The following FAM135B variants were observed in gnomAD, a reference collection of about 807,000 sequenced individuals.
FAM135B encodes the protein protein FAM135B.
In FAM135B, 43 loss-of-function variants were observed where a neutral mutation model predicts 127.7. The observed-to-expected ratio is 0.34, with a 90% CI of 0.26 to 0.43. FAM135B has a LOEUF of 0.43. Ranked by LOEUF, FAM135B falls within the 20% of genes least tolerant of loss-of-function variation. The probability of loss-of-function intolerance (pLI) is 1.00; values close to 1 mark genes in which losing one functional copy is unlikely to be tolerated. For synonymous variants in FAM135B, 670 were observed against 665.1 expected (o/e 1.01, Z -0.11); for missense variants, 1,558 against 1,725.6 (o/e 0.90, Z 1.72).
chr8:138,283,647 C>T (rs977847643), intron 3 of FAM135B, among the ~76,000 whole-genome samples: 10 of 151,912 alleles, frequency 6.6e-5, no homozygotes, highest in South Asian at 2.1e-4. Context: ...ACAAATGTTC[C>T]GCTCTAATGG....
intron 6 of FAM135B, among the ~76,000 whole-genome samples, chr8:138,249,134 C>T (rs1821517095): frequency 6.6e-6 from 1 of 152,168 alleles, no homozygotes; most frequent in Non-Finnish European, 1.5e-5. Context: ...ACTAGCCTCA[C>T]CTCGCAGAGG....
intron 2 of FAM135B, among the ~76,000 whole-genome samples, chr8:138,321,919 C>T (rs1487774918): frequency 1.3e-5 from 2 of 152,106 alleles, no homozygotes; most frequent in Non-Finnish European, 2.9e-5. Flanking sequence ...TCAGGAATTA[C>T]AAGAGAGCTG....
chr8:138,417,761 C>A (rs1381524788), intron 1 of FAM135B, among the ~76,000 whole-genome samples: 1 of 152,088 alleles, frequency 6.6e-6, no homozygotes, highest in East Asian at 1.9e-4. Context: ...TTAACTAAGC[C>A]CAAACTATAC....
chr8:138,307,019 C>T (rs1826313507), intron 3 of FAM135B, among the ~76,000 whole-genome samples: 1 of 152,300 alleles, frequency 6.6e-6, no homozygotes, highest in East Asian at 1.9e-4. Flanking sequence ...TGTCCATCTT[C>T]CCATCTTACC....
At chr8:138,325,232 A>C (rs916661583) in intron 2 of FAM135B, among the ~76,000 whole-genome samples, 1 of 152,212 alleles carries the variant, frequency 6.6e-6, no homozygotes, top group African/African-American at 2.4e-5. Flanking sequence ...AATTGTGTTT[A>C]AATGGAGCCT....
intron 1 of FAM135B, among the ~76,000 whole-genome samples, chr8:138,387,230 G>A (rs1247272063): frequency 1.3e-5 from 2 of 152,136 alleles, no homozygotes; most frequent in Non-Finnish European, 2.9e-5. Context: ...GAGGGAAGAG[G>A]TGAGAGCAGG....
chr8:138,337,564 T>C (rs146326640), intron 2 of FAM135B, among the ~76,000 whole-genome samples: 151,265 of 152,084 alleles, frequency 0.99, 75,231 homozygotes, highest in East Asian at 1. Context: ...ATGTGAAGGA[T>C]CTCTTCAAGA....
intron 7 of FAM135B, among the ~76,000 whole-genome samples, chr8:138,233,208 T>G (rs779671068): frequency 6.6e-6 from 1 of 152,292 alleles, no homozygotes; most frequent in Middle Eastern, 3.4e-3. Context: ...TAAAACAGTA[T>G]GGTAACAGCA....
At chr8:138,341,206 A>T (rs1220612618) in intron 2 of FAM135B, among the ~76,000 whole-genome samples, 2 of 152,244 alleles carry the variant, frequency 1.3e-5, no homozygotes, top group African/African-American at 4.8e-5. Context: ...GCATGCCCAT[A>T]CAATGGAACA....
chr8:138,223,351 A>C (rs924849112), intron 7 of FAM135B, among the ~76,000 whole-genome samples: 3 of 152,242 alleles, frequency 2.0e-5, no homozygotes, highest in Non-Finnish European at 4.4e-5. Flanking sequence ...GAAAATAAGC[A>C]GTGACAATGA....
At chr8:138,282,126 C>G (rs2130746871) in intron 3 of FAM135B, among the ~76,000 whole-genome samples, 1 of 152,290 alleles carries the variant, frequency 6.6e-6, no homozygotes, top group Non-Finnish European at 1.5e-5. Flanking sequence ...TTCCTCTAAG[C>G]TCAAGATCTA....
chr8:138,254,574 T>C (rs908418064), intron 5 of FAM135B, among the ~76,000 whole-genome samples: 4 of 152,218 alleles, frequency 2.6e-5, no homozygotes, highest in African/African-American at 9.7e-5. Flanking sequence ...TCTGAGTTTA[T>C]AGCTTGGGAA....
rs144346094 is a variant in FAM135B at position 138,259,513 on chromosome 8, T to A, written c.298-2754A>T. Reference sequence around the variant, plus strand: ...CAAAGGGCTTTGTTCACAACTGAACTGACAATTCTCAACAAAGGTTAGCTA... The same window carrying A: ...CAAAGGGCTTTGTTCACAACTGAACAGACAATTCTCAACAAAGGTTAGCTA... On this transcript the variant is annotated intron_variant, in intron 4 of 19. Transcript: ENST00000395297. Among the ~76,000 whole-genome samples, 67 of 152,304 alleles carry A rather than the reference T, an allele frequency of 4.4e-4. 2 individuals carry two copies. The East Asian group carries it at 0.012, about 26-fold the overall frequency.
At chr8:138,317,842 T>G (rs1827201298) in intron 2 of FAM135B, among the ~76,000 whole-genome samples, 1 of 152,214 alleles carries the variant, frequency 6.6e-6, no homozygotes, top group South Asian at 2.1e-4. Context: ...TGGAAGCACA[T>G]TTACAAATGA....
intron 9 of FAM135B, among the ~76,000 whole-genome samples, chr8:138,191,735 G>A (rs114528921): frequency 3.9e-5 from 6 of 152,152 alleles, no homozygotes; most frequent in African/African-American, 9.7e-5. Context: ...TTTTTGCCAC[G>A]AAGACAAAAG....
chr8:138,247,976 G>T lies in FAM135B; in HGVS notation c.542+2865C>A, dbSNP rs373483482. 3.9e-5 allele frequency among the ~76,000 whole-genome samples: 6 copies of T among 152,280 alleles called. No individual in the cohort carries two copies. The East Asian group carries it at 7.7e-4, about 20-fold the overall frequency. ...TCTCTCATGTCCCTGAAGTAGAATT[G>T]CTTCTTTCCCATGCTAACAATTACA... On this transcript the variant is annotated intron_variant, in intron 6 of 19. Transcript: ENST00000395297.
chr8:138,326,252 C>G (rs1350551519), intron 2 of FAM135B, among the ~76,000 whole-genome samples: 1 of 152,136 alleles, frequency 6.6e-6, no homozygotes, highest in Non-Finnish European at 1.5e-5. Flanking sequence ...GTTGCTGCTG[C>G]TGGTCTGTCA....
intron 1 of FAM135B, among the ~76,000 whole-genome samples, chr8:138,453,710 A>T (rs1342659168): frequency 1.3e-5 from 2 of 152,154 alleles, no homozygotes; most frequent in African/African-American, 4.8e-5. Context: ...AAATGGTAGA[A>T]GATGATTTTT....
intron 9 of FAM135B, among the ~76,000 whole-genome samples, chr8:138,190,009 T>C (rs896347439): frequency 3.3e-5 from 5 of 152,180 alleles, no homozygotes; most frequent in African/African-American, 1.2e-4. Context: ...CCTTCCAGCA[T>C]GGCCCTTTTA....
Sources: gnomAD v4.1 joint callset for allele counts (sites outside exome capture counted in the v4.1 genomes callset) on GRCh38, gnomAD v4.1.1 for gene constraint, MANE v1.5 for transcripts, NCBI Gene and HGNC (gene_info 2026-07-23, HGNC 2026-07-21) for gene names.